The following RTL4 variants were observed in gnomAD, a reference collection of about 807,000 sequenced individuals.
RTL4 encodes the protein retrotransposon Gag like 4.
Under a neutral mutation model 5.3 loss-of-function variants are expected in RTL4, and 4 were observed. That is an observed-to-expected ratio of 0.75 (90% CI 0.37 to 1.72). The LOEUF is 1.72. RTL4 is among the 40% of genes most tolerant of loss of function. The probability of loss-of-function intolerance (pLI) is 0.04; values close to 1 mark genes in which losing one functional copy is unlikely to be tolerated. For missense variants in RTL4, 260 were observed against 227.1 expected, an observed-to-expected ratio of 1.14 and a Z score of -0.93; for synonymous variants, 98 against 87.3, an observed-to-expected ratio of 1.12 and a Z score of -0.68.
the RTL4 span, among the ~76,000 whole-genome samples, chrX:112,228,067 G>C: frequency 8.9e-6 from 1 of 111,763 alleles, no homozygotes; most frequent in African/African-American, 3.3e-5. Flanking sequence ...ATGCTTGTAA[G>C]CACTTGCTGA....
At chrX:112,455,606 G>T in exon 1 of RTL4, 1 of 1,211,180 alleles carries the variant, frequency 8.3e-7, no homozygotes, top group Non-Finnish European at 1.1e-6. Context: ...ACAAGAGATT[G>T]CCTTGCCAAA....
At chrX:112,353,541 G>A in the RTL4 span, among the ~76,000 whole-genome samples, 1 of 110,928 alleles carries the variant, frequency 9.0e-6, no homozygotes, top group Non-Finnish European at 1.9e-5. Context: ...TAGGGACATG[G>A]ATGAAACTGG....
At chrX:112,119,069 A>T in the RTL4 span, among the ~76,000 whole-genome samples, 3 of 102,533 alleles carry the variant, frequency 2.9e-5, no homozygotes, top group African/African-American at 1.1e-4. Context: ...TGTTGACCAG[A>T]CTGGTCTTGA....
the RTL4 span, among the ~76,000 whole-genome samples, chrX:112,334,871 G>A: frequency 9.0e-6 from 1 of 111,198 alleles, no homozygotes; most frequent in South Asian, 3.7e-4. Flanking sequence ...TTACTTAGTC[G>A]TTTCCCTGGG....
the RTL4 span, among the ~76,000 whole-genome samples, chrX:112,373,321 C>A: frequency 9.0e-6 from 1 of 111,151 alleles, no homozygotes; most frequent in African/African-American, 3.3e-5. Context: ...TTGTTTTGGC[C>A]ATCCTCATAG....
At chrX:112,258,838 TA>T in the RTL4 span, among the ~76,000 whole-genome samples, 81 of 111,930 alleles carry the variant, frequency 7.2e-4, no homozygotes, top group South Asian at 2.2e-3. Context: ...TTTACAATTT[TA>T]TTTTTTATTC....
At chrX:112,263,412 G>A in the RTL4 span, among the ~76,000 whole-genome samples, 3 of 110,772 alleles carry the variant, frequency 2.7e-5, no homozygotes, top group Admixed American at 2.9e-4. Context: ...AGAGAAGCTG[G>A]TAGAAGAAGA....
At chrX:112,230,524 G>T in the RTL4 span, among the ~76,000 whole-genome samples, 1 of 112,136 alleles carries the variant, frequency 8.9e-6, no homozygotes, top group Admixed American at 9.4e-5. Flanking sequence ...ACGGTGCACT[G>T]CACCCACTGT....
the RTL4 span, among the ~76,000 whole-genome samples, chrX:112,105,655 G>T: frequency 9.0e-6 from 1 of 111,057 alleles, no homozygotes; most frequent in Admixed American, 9.6e-5. Context: ...TATTGTAAAT[G>T]AGACTATTTT....
At chrX:112,280,443 C>G in the RTL4 span, among the ~76,000 whole-genome samples, 1 of 111,453 alleles carries the variant, frequency 9.0e-6, no homozygotes, top group African/African-American at 3.3e-5. Flanking sequence ...CAAACCTGTA[C>G]ATGTATCCAC....
At chrX:112,325,168 G>A in the RTL4 span, among the ~76,000 whole-genome samples, 1 of 111,591 alleles carries the variant, frequency 9.0e-6, no homozygotes, top group Admixed American at 9.5e-5. Context: ...ACAAATGGAA[G>A]AACATTCCAT....
chrX:112,226,323 A>G, the RTL4 span, among the ~76,000 whole-genome samples: 2 of 112,006 alleles, frequency 1.8e-5, no homozygotes, highest in South Asian at 3.7e-4. Context: ...CTCAGCTACA[A>G]CCTGCTTTAT....
At chrX:112,166,260 G>T in the RTL4 span, among the ~76,000 whole-genome samples, 1 of 111,808 alleles carries the variant, frequency 8.9e-6, no homozygotes, top group Non-Finnish European at 1.9e-5. Context: ...AATTATTTTG[G>T]TTCCCTTTTT....
the RTL4 span, among the ~76,000 whole-genome samples, chrX:112,239,332 A>C: frequency 9.0e-6 from 1 of 110,621 alleles, no homozygotes; most frequent in Non-Finnish European, 1.9e-5. Flanking sequence ...AATAAGGTAT[A>C]ATAAAGAGGA....
At chrX:112,154,948 T>C in the RTL4 span, among the ~76,000 whole-genome samples, 3 of 111,201 alleles carry the variant, frequency 2.7e-5, no homozygotes, top group Admixed American at 2.9e-4. Context: ...TAGACCCTTA[T>C]AAAAGAGGCT....
chrX:112,265,313 T>G, the RTL4 span, among the ~76,000 whole-genome samples: 30 of 112,623 alleles, frequency 2.7e-4, no homozygotes, highest in African/African-American at 8.7e-4. Flanking sequence ...ATGAAAGCTC[T>G]TTGCAAAGTG....
the RTL4 span, among the ~76,000 whole-genome samples, chrX:112,350,031 A>G: frequency 0.27 from 27,680 of 101,008 alleles, 4,373 homozygotes; most frequent in African/African-American, 0.57. Flanking sequence ...ATTTTGAGAT[A>G]TGTCCCATCA....
At chrX:112,101,979 G>T in the RTL4 span, among the ~76,000 whole-genome samples, 2 of 110,608 alleles carry the variant, frequency 1.8e-5, no homozygotes, top group Admixed American at 1.9e-4. Context: ...AGAGACTGTG[G>T]CCTTATAGAC....
chrX:112,186,827 G>T, the RTL4 span, among the ~76,000 whole-genome samples: 1 of 112,114 alleles, frequency 8.9e-6, no homozygotes, highest in East Asian at 2.8e-4. Context: ...TTTACATCTA[G>T]CCCTTACCTT....
Sources: allele counts gnomAD v4.1 joint callset (sites outside exome capture counted in the v4.1 genomes callset), GRCh38; gene constraint gnomAD v4.1.1; transcripts MANE v1.5; gene names NCBI Gene and HGNC (gene_info 2026-07-23, HGNC 2026-07-21).